Variants in ARF3 observed in about 807,000 individuals in gnomAD.
ARF3 encodes the protein ADP-ribosylation factor 3.
Under a neutral mutation model 19.3 loss-of-function variants are expected in ARF3, and 5 were observed. The observed-to-expected ratio is 0.26, with a 90% confidence interval of 0.14 to 0.54. The LOEUF (loss-of-function observed/expected upper bound fraction) is 0.54, where lower values mean the gene tolerates loss of function less well. ARF3 is among the 20% of genes least tolerant of loss of function. ARF3 has a pLI of 0.95. For synonymous variants in ARF3, 71 were observed against 89.2 expected (o/e 0.80, Z 1.15); for missense variants, 77 against 234.2 (o/e 0.33, Z 4.38).
chr12:48,950,030 A>C (rs976787739), intron 1 of ARF3, among the ~76,000 whole-genome samples: 2 of 152,236 alleles, frequency 1.3e-5, no homozygotes, highest in Admixed American at 1.3e-4. Context: ...TTACAGTATC[A>C]AGCTGGTAAA....
Position 48,938,821 on chromosome 12 carries a change from G to T in ARF3, c.*126C>A. The T allele has an allele frequency of 8.0e-7, 1 of 1,254,186 alleles. No individual in the cohort carries two copies. The allele number at this position is 1,254,186 out of a possible 1,614,324, so 77.7% of individuals were successfully genotyped here. On this transcript the variant is annotated 3_prime_UTR_variant, in exon 5 of 5. Transcript: ENST00000256682. The stretch of plus-strand genomic sequence containing the variant: ...AGGCAGGGGAGGCAAGGCTCTTGCT[G>T]GGCATGTGGACATGATACCCAGGGC...
chr12:48,939,232 A>G lies in ARF3; in HGVS notation c.385-124T>C. On this transcript the variant is annotated intron_variant, in intron 4 of 4. Coordinates refer to ENST00000256682, the MANE Select transcript of ARF3 (RefSeq NM_001659.3). This position sits in a 1 kb window ranked among gnomAD's most constrained non-coding sequence, Gnocchi z 4.8. ...TCCTCCTTTATTTTAGGAAACCCAGAACAAGATCCTAAGGAGCTACTTTGG... is the reference window on the plus strand; with the variant it reads ...TCCTCCTTTATTTTAGGAAACCCAGGACAAGATCCTAAGGAGCTACTTTGG... 3 of 1,137,322 alleles carry G rather than the reference A, an allele frequency of 2.6e-6. No homozygotes were observed. 70.5% of individuals were successfully genotyped at this position (1,137,322 alleles called of 1,614,324 possible).
chr12:48,938,248 TATC>T lies in ARF3; in HGVS notation c.*696_*698del, dbSNP rs1346881399. ...GTGGTGAAGAATCCATCATCTGTCCTATCATCCAGAAAAACCTACCTGCAGAGA... is the reference window on the plus strand; with the variant it reads ...GTGGTGAAGAATCCATCATCTGTCCTATCCAGAAAAACCTACCTGCAGAGA... On this transcript the variant is annotated 3_prime_UTR_variant, in exon 5 of 5. Transcript: ENST00000256682. The T allele has an allele frequency of 5.2e-6, 2 of 381,882 alleles. No individual in the cohort carries two copies. Among genetic ancestry groups the T allele is most frequent in the Non-Finnish European group, 1.1e-5 (2 of 188,728 alleles). 23.7% of individuals were successfully genotyped at this position (381,882 alleles called of 1,614,324 possible).
At chr12:48,940,497 T>C (rs1328791048) in intron 2 of ARF3, among the ~76,000 whole-genome samples, 1 of 152,218 alleles carries the variant, frequency 6.6e-6, no homozygotes, top group African/African-American at 2.4e-5. Flanking sequence ...GGAAGTAAGC[T>C]GGCATCCTGG....
chr12:48,955,957 G>A (rs1248774291), intron 1 of ARF3: 2 of 152,124 alleles, frequency 1.3e-5, no homozygotes, highest in Admixed American at 6.5e-5. Context: ...TTACAGACAT[G>A]TTTTTCAAAC....
Position 48,938,597 on chromosome 12 carries a change from A to G in ARF3, c.*350T>C. 3 of 456,094 alleles carry G rather than the reference A, an allele frequency of 6.6e-6. No individual in the cohort carries two copies. The highest frequency in any genetic ancestry group is 1.3e-5 in the Non-Finnish European group (3 of 227,806). 28.3% of individuals were successfully genotyped at this position (456,094 alleles called of 1,614,324 possible). A position where few individuals can be genotyped will look rare whatever the true frequency, so the allele number is the denominator to read the frequency against. On this transcript the variant is annotated 3_prime_UTR_variant, in exon 5 of 5. Coordinates refer to ENST00000256682, the MANE Select transcript of ARF3 (RefSeq NM_001659.3). ...GCTTGTGGGGACAGGGAAAGGACTC[A>G]GATGCCAAGAGGACAGCAACCACTG...
At position 48,942,025 on chromosome 12, in the gene ARF3, C is replaced by A. The variant is rs527853036; in HGVS notation, c.-93-837G>T. Among the ~76,000 whole-genome samples, 36 of 152,284 alleles carry A rather than the reference C, an allele frequency of 2.4e-4. 1 individual carries two copies. The highest frequency in any genetic ancestry group is 8.7e-4 in the African/African-American group (36 of 41,550). On this transcript the variant is annotated intron_variant, in intron 1 of 4. Coordinates refer to ENST00000256682, the MANE Select transcript of ARF3 (RefSeq NM_001659.3). ...GCCTTTCGGCCTATTCTCCATATAG[C>A]ATCTAGGGTGGTTTTAAAACCAAAC...
At chr12:48,945,672 G>A (rs1464415890) in intron 1 of ARF3, among the ~76,000 whole-genome samples, 4 of 152,152 alleles carry the variant, frequency 2.6e-5, no homozygotes, top group South Asian at 2.1e-4. Context: ...GCAGTGAGCC[G>A]AGATCACGCC....
intron 1 of ARF3, among the ~76,000 whole-genome samples, chr12:48,944,654 T>G (rs1940323673): frequency 6.6e-6 from 1 of 152,232 alleles, no homozygotes; most frequent in African/African-American, 2.4e-5. Context: ...CCTTATATTA[T>G]TTCTTCTGTC....
At chr12:48,953,622 G>A (rs1940507134) in intron 1 of ARF3, among the ~76,000 whole-genome samples, 1 of 152,148 alleles carries the variant, frequency 6.6e-6, no homozygotes, top group East Asian at 1.9e-4. Flanking sequence ...ACTTTCTTCA[G>A]GAATATGGTA....
At chr12:48,948,059 G>T (rs1209983942) in intron 1 of ARF3, among the ~76,000 whole-genome samples, 1 of 145,362 alleles carries the variant, frequency 6.9e-6, no homozygotes, top group African/African-American at 2.5e-5. Context: ...AAAAAAAAAA[G>T]CTGGGTGTGG....
chr12:48,955,814 A>G (rs546566166), intron 1 of ARF3: 2 of 152,350 alleles, frequency 1.3e-5, no homozygotes, highest in East Asian at 3.9e-4. Flanking sequence ...CAAGGTAATA[A>G]TTCTATGCTG....
Position 48,938,634 on chromosome 12 carries a change from G to T in ARF3, c.*313C>A. ...GACAGCAACCACTGCCAAACAAAGAGAATACCCCACTCGACCTCCCGAAAC... is the reference window on the plus strand; with the variant it reads ...GACAGCAACCACTGCCAAACAAAGATAATACCCCACTCGACCTCCCGAAAC... On this transcript the variant is annotated 3_prime_UTR_variant, in exon 5 of 5. Coordinates refer to ENST00000256682, the MANE Select transcript of ARF3 (RefSeq NM_001659.3). 2.3e-6 allele frequency: 1 copy of T among 443,258 alleles called. No homozygotes were observed. Among genetic ancestry groups the T allele is most frequent in the Non-Finnish European group, 4.5e-6 (1 of 224,276 alleles). The allele number at this position is 443,258 out of a possible 1,614,324, so 27.5% of individuals were successfully genotyped here. A position where few individuals can be genotyped will look rare whatever the true frequency, so the allele number is the denominator to read the frequency against.
At position 48,938,452 on chromosome 12, in the gene ARF3, A is replaced by G. The variant is rs1437736973; in HGVS notation, c.*495T>C. The G allele has an allele frequency of 6.6e-6, 3 of 453,460 alleles. No individual in the cohort carries two copies. The highest frequency in any genetic ancestry group is 3.1e-5 in the South Asian group (2 of 64,234). The allele number at this position is 453,460 out of a possible 1,614,324, so 28.1% of individuals were successfully genotyped here. ...CCCGCTCCCCCCGGCCCCCACAAATATATCTCTCTATACATGTATATACAG... is the reference window on the plus strand; with the variant it reads ...CCCGCTCCCCCCGGCCCCCACAAATGTATCTCTCTATACATGTATATACAG... On this transcript the variant is annotated 3_prime_UTR_variant, in exon 5 of 5. Coordinates refer to ENST00000256682, the MANE Select transcript of ARF3 (RefSeq NM_001659.3).
At chr12:48,954,860 A>C (rs1443586865) in intron 1 of ARF3, among the ~76,000 whole-genome samples, 7 of 150,830 alleles carry the variant, frequency 4.6e-5, no homozygotes. Context: ...ACAAAAAGTA[A>C]AAAAAAAAAT....
intron 1 of ARF3, among the ~76,000 whole-genome samples, chr12:48,943,333 T>G (rs1940299093): frequency 6.6e-6 from 1 of 152,118 alleles, no homozygotes; most frequent in Admixed American, 6.6e-5. Context: ...AAATGAGGAT[T>G]CAGAATCACC....
intron 1 of ARF3, among the ~76,000 whole-genome samples, chr12:48,947,596 G>A (rs1010533278): frequency 6.6e-6 from 1 of 152,100 alleles, no homozygotes; most frequent in African/African-American, 2.4e-5. Flanking sequence ...GTGGGCCACC[G>A]TGCCTGGCCT....
In ARF3 at chr12:48,939,137, A is replaced by C. The variant is rs779051833; in HGVS notation, c.385-29T>G. 3 of 1,599,716 alleles carry C rather than the reference A, an allele frequency of 1.9e-6. No homozygotes were observed. Among genetic ancestry groups the C allele is most frequent in the Non-Finnish European group, 2.6e-6 (3 of 1,170,734 alleles). On this transcript the variant is annotated intron_variant, in intron 4 of 4. Coordinates refer to ENST00000256682, the MANE Select transcript of ARF3 (RefSeq NM_001659.3). This position sits in a 1 kb window ranked among gnomAD's most constrained non-coding sequence, Gnocchi z 4.8. ...GAGCACGTGGGAGACACATAAAAAG[A>C]AGCCTCAGGATTTTTTAAAGGCTTC...
chr12:48,952,341 T>C (rs1007585009), intron 1 of ARF3, among the ~76,000 whole-genome samples: 2 of 152,236 alleles, frequency 1.3e-5, no homozygotes, highest in Non-Finnish European at 2.9e-5. Flanking sequence ...AGGTCTGTTT[T>C]AGAATCCTAG....
Sources: gnomAD v4.1 joint callset for allele counts (sites outside exome capture counted in the v4.1 genomes callset) on GRCh38, gnomAD v4.1.1 for gene constraint, Gnocchi (gnomAD v3.1) non-coding constraint, MANE v1.5 for transcripts, NCBI Gene and HGNC (gene_info 2026-07-23, HGNC 2026-07-21) for gene names.